DROSHA: variants seen among roughly 807,000 people sequenced by gnomAD.
The protein encoded by DROSHA is ribonuclease 3.
In DROSHA, 56 loss-of-function variants were observed where a neutral mutation model predicts 181.9. The ratio of observed to expected loss-of-function variants is 0.31; its 90% CI spans 0.25 to 0.38. DROSHA has a LOEUF of 0.38. Among genes scored for constraint, DROSHA ranks in the 10% least tolerant of loss-of-function variants. The probability of loss-of-function intolerance (pLI) is 1.00; values close to 1 mark genes in which losing one functional copy is unlikely to be tolerated. For synonymous variants in DROSHA, 524 were observed against 591.2 expected (o/e 0.89, Z 1.65); for missense variants, 1,218 against 1,743.5 (o/e 0.70, Z 5.37).
intron 11 of DROSHA, among the ~76,000 whole-genome samples, chr5:31,502,604 G>A (rs1270808941): frequency 1.3e-5 from 2 of 152,200 alleles, no homozygotes; most frequent in African/African-American, 4.8e-5. Context: ...ATACCCAGGA[G>A]CCAAGAGCAC....
intron 30 of DROSHA, among the ~76,000 whole-genome samples, chr5:31,414,011 C>CA (rs1741654939): frequency 1.3e-5 from 2 of 152,036 alleles, no homozygotes; most frequent in Non-Finnish European, 2.9e-5. Flanking sequence ...AAAGGGTTTC[C>CA]AAGGAAGAGA....
chr5:31,455,943 T>C (rs1224728015), intron 20 of DROSHA, among the ~76,000 whole-genome samples: 1 of 152,124 alleles, frequency 6.6e-6, no homozygotes, highest in East Asian at 1.9e-4. Context: ...TACCTGACCA[T>C]ATTGTTATAC....
intron 22 of DROSHA, among the ~76,000 whole-genome samples, chr5:31,449,072 T>A (rs575475149): frequency 4.6e-5 from 7 of 151,886 alleles, no homozygotes; most frequent in Admixed American, 3.9e-4. Context: ...GAGGCAAAGT[T>A]TGCAGTGAGC....
intron 4 of DROSHA, among the ~76,000 whole-genome samples, chr5:31,528,381 C>A (rs1740844093): frequency 6.6e-6 from 1 of 152,110 alleles, no homozygotes; most frequent in African/African-American, 2.4e-5. Flanking sequence ...CCTTGCCCTC[C>A]AAGACAAACA....
At chr5:31,476,844 T>C (rs1750428347) in intron 16 of DROSHA, among the ~76,000 whole-genome samples, 1 of 152,212 alleles carries the variant, frequency 6.6e-6, no homozygotes, top group Non-Finnish European at 1.5e-5. Flanking sequence ...AATGACTTTC[T>C]AAAGCAGACT....
intron 16 of DROSHA, among the ~76,000 whole-genome samples, chr5:31,476,868 C>T (rs1750432836): frequency 2.0e-5 from 3 of 152,312 alleles, no homozygotes; most frequent in South Asian, 4.1e-4. Flanking sequence ...AACTTGGCCA[C>T]TCGCACTCAG....
intron 11 of DROSHA, among the ~76,000 whole-genome samples, chr5:31,502,618 C>A (rs569739159): frequency 6.6e-6 from 1 of 152,372 alleles, no homozygotes; most frequent in East Asian, 1.9e-4. Context: ...AGAGCACAAA[C>A]AAGCTGCCTG....
intron 16 of DROSHA, among the ~76,000 whole-genome samples, chr5:31,481,596 C>T (rs1751041612): frequency 6.6e-6 from 1 of 152,114 alleles, no homozygotes; most frequent in South Asian, 2.1e-4. Flanking sequence ...CTCAATAAAA[C>T]AAAACCAGAT....
chr5:31,404,180 A>G (rs956356465), intron 35 of DROSHA, among the ~76,000 whole-genome samples: 2 of 151,942 alleles, frequency 1.3e-5, no homozygotes, highest in African/African-American at 4.8e-5. Context: ...ATTGCTTTCC[A>G]GTAGTTTAAA....
intron 20 of DROSHA, among the ~76,000 whole-genome samples, chr5:31,460,729 C>T (rs192329161): frequency 1.6e-4 from 25 of 152,170 alleles, no homozygotes; most frequent in Admixed American, 1.5e-3. Flanking sequence ...CTGCTATTTC[C>T]CAGTCAATTA....
intron 17 of DROSHA, among the ~76,000 whole-genome samples, chr5:31,469,384 C>A (rs548933549): frequency 1.2e-3 from 187 of 151,758 alleles, no homozygotes; most frequent in African/African-American, 3.1e-3. Flanking sequence ...AAAAAAAAAA[C>A]CCCTCAAACT....
intron 30 of DROSHA, among the ~76,000 whole-genome samples, chr5:31,418,425 T>C (rs908664649): frequency 1.3e-5 from 2 of 152,102 alleles, no homozygotes; most frequent in Non-Finnish European, 2.9e-5. Context: ...CATGCCACTC[T>C]ACCAAGCTAG....
chr5:31,440,274 A>G (rs1745404517), intron 23 of DROSHA, among the ~76,000 whole-genome samples: 1 of 152,188 alleles, frequency 6.6e-6, no homozygotes, highest in Non-Finnish European at 1.5e-5. Context: ...TTCAACACTT[A>G]TCACTTCGTT....
intron 13 of DROSHA, chr5:31,486,866 T>C (rs2150038907): frequency 4.5e-6 from 1 of 220,504 alleles, no homozygotes; most frequent in South Asian, 1.2e-4. Flanking sequence ...AAAGAATTAA[T>C]AAAACCATAA....
intron 9 of DROSHA, 31 bp from the exon 10 acceptor site, chr5:31,508,806 T>C (rs758147016): frequency 5.1e-6 from 8 of 1,583,192 alleles, no homozygotes; most frequent in Non-Finnish European, 6.0e-6. Flanking sequence ...AATACAGAAA[T>C]TGATGGAATT....
intron 11 of DROSHA, among the ~76,000 whole-genome samples, chr5:31,498,087 T>C (rs189403886): frequency 5.0e-4 from 76 of 152,304 alleles, no homozygotes; most frequent in Non-Finnish European, 9.0e-4. Flanking sequence ...GGAAACTTTG[T>C]TTTAAGACTT....
chr5:31,408,096 G>A (rs1257863983), intron 33 of DROSHA, among the ~76,000 whole-genome samples: 1 of 152,068 alleles, frequency 6.6e-6, no homozygotes, highest in Non-Finnish European at 1.5e-5. Flanking sequence ...TAGCAAAAAG[G>A]CCTATAAAGT....
intron 19 of DROSHA, among the ~76,000 whole-genome samples, chr5:31,465,480 T>C (rs1263091023): frequency 6.6e-6 from 1 of 152,168 alleles, no homozygotes; most frequent in Non-Finnish European, 1.5e-5. Flanking sequence ...AAATTAAAGA[T>C]AAAAGGCTGA....
chr5:31,518,700 C>T (rs747085600), intron 6 of DROSHA, among the ~76,000 whole-genome samples: 1 of 152,204 alleles, frequency 6.6e-6, no homozygotes, highest in East Asian at 1.9e-4. Flanking sequence ...CAGATATTAA[C>T]ATCCCCTACA....
Sources: gnomAD v4.1 joint callset for allele counts (sites outside exome capture counted in the v4.1 genomes callset) on GRCh38, gnomAD v4.1.1 for gene constraint, MANE v1.5 for transcripts, NCBI Gene and HGNC (gene_info 2026-07-23, HGNC 2026-07-21) for gene names.